Variants in PHACTR3 observed in about 807,000 individuals in gnomAD.
PHACTR3 encodes the protein protein phosphatase 1, regulatory subunit 123.
PHACTR3 carries 16 observed loss-of-function variants against 66.8 expected under a neutral mutation model. The observed-to-expected ratio is 0.24, with a 90% CI of 0.16 to 0.36. The LOEUF is 0.36. Among genes scored for constraint, PHACTR3 ranks in the 10% least tolerant of loss-of-function variants. The pLI is 1.00. For missense variants in PHACTR3, 647 were observed against 719.9 expected (o/e 0.90, Z 1.16); for synonymous variants, 323 against 292.1 (o/e 1.11, Z -1.08).
intron 1 of PHACTR3, among the ~76,000 whole-genome samples, chr20:59,664,705 C>T (rs1192601774): frequency 2.0e-5 from 3 of 152,230 alleles, no homozygotes; most frequent in Admixed American, 2.0e-4. Flanking sequence ...CTTGCCAATC[C>T]TTTTGTGTAT....
chr20:59,720,855 G>T lies in PHACTR3; in HGVS notation c.119-22252G>T, dbSNP rs1163994824. Among the ~76,000 whole-genome samples the T allele has an allele frequency of 2.6e-5, 4 of 152,162 alleles. No homozygotes were observed. In the East Asian group the frequency reaches 7.7e-4, roughly 29 times the overall value. On this transcript the variant is annotated intron_variant, in intron 1 of 12. Transcript: ENST00000371015. ...AACATTTATTGTGTTGAAAATTAAA[G>T]ACTTGATAAAAAATGTTTGCTTTTT... is the stretch of plus-strand genomic sequence containing the variant.
chr20:59,658,745 G>A (rs1158435528), intron 1 of PHACTR3, among the ~76,000 whole-genome samples: 1 of 152,082 alleles, frequency 6.6e-6, no homozygotes, highest in African/African-American at 2.4e-5. Context: ...CAATGTCCAG[G>A]GCGCATGCAT....
chr20:59,639,943 A>G (rs1409425894), intron 1 of PHACTR3, among the ~76,000 whole-genome samples: 1 of 152,194 alleles, frequency 6.6e-6, no homozygotes, highest in Admixed American at 6.5e-5. Context: ...TGATGCCCCT[A>G]GGCCGACAGA....
intron 1 of PHACTR3, among the ~76,000 whole-genome samples, chr20:59,700,310 C>A (rs1397306202): frequency 6.6e-6 from 1 of 152,286 alleles, no homozygotes; most frequent in African/African-American, 2.4e-5. Flanking sequence ...AAACATTCAT[C>A]GATGAATCAG....
rs1284589925 is a variant in PHACTR3 at position 59,830,311 on chromosome 20, T to C, written c.1329-6194T>C. On this transcript the variant is annotated intron_variant, in intron 8 of 12. Transcript: ENST00000371015. The surrounding 1 kb of genome is among the most constrained non-coding windows in gnomAD (Gnocchi z 5.8). Reference sequence around the variant, plus strand: ...GCAAGTGAGTGATGGACAGTGTGAGTAGATGATGAAAGAAGGTGTGAGTAT... The same window carrying C: ...GCAAGTGAGTGATGGACAGTGTGAGCAGATGATGAAAGAAGGTGTGAGTAT... Among the ~76,000 whole-genome samples, 1 of 146,762 alleles carries C rather than the reference T, an allele frequency of 6.8e-6. No homozygotes were observed. The highest frequency in any genetic ancestry group is 6.8e-5 in the Admixed American group (1 of 14,742).
intron 1 of PHACTR3, among the ~76,000 whole-genome samples, chr20:59,737,543 T>G (rs2038991866): frequency 6.6e-6 from 1 of 151,720 alleles, no homozygotes; most frequent in Non-Finnish European, 1.5e-5. Flanking sequence ...TGCGTGCATG[T>G]GCATGTGTGT....
chr20:59,646,763 G>T lies in PHACTR3; in HGVS notation c.118+41631G>T, dbSNP rs151058950. 1.7e-3 allele frequency among the ~76,000 whole-genome samples: 264 copies of T among 152,336 alleles called. 2 individuals carry two copies. The highest frequency in any genetic ancestry group is 6.1e-3 in the African/African-American group (255 of 41,576). ...GTTAATTGGGCCTGAGGCAGGGAGG[G>T]TGCTGGGAAGAACATTCTAGGGAGA... On this transcript the variant is annotated intron_variant, in intron 1 of 12. Transcript: ENST00000371015.
intron 1 of PHACTR3, among the ~76,000 whole-genome samples, chr20:59,660,456 T>C (rs926706083): frequency 2.6e-5 from 4 of 152,248 alleles, no homozygotes; most frequent in African/African-American, 9.6e-5. Context: ...ATTGCGCCAC[T>C]GCACTCCAGC....
chr20:59,714,930 A>G (rs2038043538), intron 1 of PHACTR3, among the ~76,000 whole-genome samples: 1 of 152,172 alleles, frequency 6.6e-6, no homozygotes, highest in South Asian at 2.1e-4. Flanking sequence ...ATGCTGCTTT[A>G]ATGACATTTA....
At chr20:59,639,701 C>T (rs543911044) in intron 1 of PHACTR3, among the ~76,000 whole-genome samples, 4 of 151,998 alleles carry the variant, frequency 2.6e-5, no homozygotes, top group Admixed American at 2.6e-4. Flanking sequence ...TGATGCCAAC[C>T]TTGGGTACTG....
chr20:59,646,476 A>G (rs1195951534), intron 1 of PHACTR3, among the ~76,000 whole-genome samples: 1 of 152,154 alleles, frequency 6.6e-6, no homozygotes. Flanking sequence ...AAAAGAAAGT[A>G]CCTTACCATG....
At chr20:59,705,007 A>G (rs1469276752) in intron 1 of PHACTR3, among the ~76,000 whole-genome samples, 3 of 147,520 alleles carry the variant, frequency 2.0e-5, no homozygotes, top group Non-Finnish European at 4.5e-5. Context: ...CCCAGACTGG[A>G]GTGCAGTGGT....
chr20:59,600,750 G>T (rs544744186), upstream of PHACTR3, among the ~76,000 whole-genome samples: 17 of 152,320 alleles, frequency 1.1e-4, no homozygotes, highest in South Asian at 3.5e-3. Flanking sequence ...TATCGGGGCT[G>T]CCCTGAGTCA....
chr20:59,677,499 C>T (rs559558716), intron 1 of PHACTR3, among the ~76,000 whole-genome samples: 1 of 152,312 alleles, frequency 6.6e-6, no homozygotes, highest in South Asian at 2.1e-4. Context: ...GAAGTGAATT[C>T]TAATTCACAG....
intron 2 of PHACTR3, among the ~76,000 whole-genome samples, chr20:59,743,721 G>A (rs969907079): frequency 1.3e-5 from 2 of 152,202 alleles, no homozygotes; most frequent in Admixed American, 6.5e-5. Flanking sequence ...GGCCTGGGTC[G>A]TACCCCCACA....
intron 1 of PHACTR3, among the ~76,000 whole-genome samples, chr20:59,711,867 C>G (rs976950995): frequency 6.6e-6 from 1 of 152,000 alleles, no homozygotes; most frequent in Non-Finnish European, 1.5e-5. Flanking sequence ...TTGTTTACTG[C>G]TATATTTTTT....
intron 1 of PHACTR3, 109 bp downstream of exon 1, chr20:59,605,241 G>A: frequency 5.3e-6 from 4 of 752,642 alleles, no homozygotes; most frequent in South Asian, 5.3e-5. Context: ...GGGGAGCCGC[G>A]GCAGGAACCC....
intron 1 of PHACTR3, among the ~76,000 whole-genome samples, chr20:59,705,251 C>A (rs1295796556): frequency 1.3e-5 from 2 of 152,314 alleles, no homozygotes; most frequent in African/African-American, 4.8e-5. Flanking sequence ...AGCCACCACT[C>A]CTGGCCAGTA....
chr20:59,752,103 C>T (rs1458034277), intron 3 of PHACTR3, among the ~76,000 whole-genome samples: 2 of 152,220 alleles, frequency 1.3e-5, no homozygotes, highest in African/African-American at 2.4e-5. Context: ...ATTGACTAGG[C>T]ATTCTTTCCT....
Sources: allele counts gnomAD v4.1 joint callset (sites outside exome capture counted in the v4.1 genomes callset), GRCh38; gene constraint gnomAD v4.1.1; non-coding constraint Gnocchi (gnomAD v3.1); transcripts MANE v1.5; gene names NCBI Gene and HGNC (gene_info 2026-07-23, HGNC 2026-07-21).